The following TRIB2 variants were observed in gnomAD, a reference collection of about 807,000 sequenced individuals.
TRIB2 encodes tribbles homolog 2.
A neutral mutation model predicts 26.8 loss-of-function variants in TRIB2; 2 were observed. The observed-to-expected ratio is 0.07, with a 90% CI of 0.03 to 0.24. The LOEUF (loss-of-function observed/expected upper bound fraction) is 0.24. Ranked by LOEUF, TRIB2 falls within the 10% of genes least tolerant of loss-of-function variation. TRIB2 has a pLI of 1.00. For missense variants in TRIB2, 306 were observed against 449.0 expected (o/e 0.68, Z 2.88); for synonymous variants, 189 against 187.3 (o/e 1.01, Z -0.08).
At chr2:12,727,041 C>T (rs1182029500) in intron 2 of TRIB2, among the ~76,000 whole-genome samples, 1 of 152,184 alleles carries the variant, frequency 6.6e-6, no homozygotes, top group Non-Finnish European at 1.5e-5. Flanking sequence ...GACCTAATGC[C>T]AGCAAGCCTT....
Position 12,740,418 on chromosome 2 carries a change from T to A in TRIB2, c.656T>A (p.Val219Glu). The change falls in exon 3 of 3, where the codon GTA (valine) becomes GAA (glutamate). Residue 219 changes from valine to glutamate, a missense_variant. Coordinates refer to ENST00000155926, the MANE Select transcript of TRIB2 (RefSeq NM_021643.4). This position sits in a 1 kb window ranked among gnomAD's most constrained non-coding sequence, Gnocchi z 5.8. The part of the protein sequence containing the change: ...LSDKHGCPAY[V>E]SPEILNTSGS... ...GACAAGCATGGCTGCCCGGCTTACG[T>A]AAGCCCAGAGATCTTGAACACCAGT... 6.2e-7 allele frequency: 1 copy of A among 1,614,146 alleles called. No homozygotes were observed. Among genetic ancestry groups the A allele is most frequent in the Non-Finnish European group, 8.5e-7 (1 of 1,180,000 alleles).
At chr2:12,731,479 G>A (rs913284240) in intron 2 of TRIB2, among the ~76,000 whole-genome samples, 6 of 152,178 alleles carry the variant, frequency 3.9e-5, no homozygotes, top group East Asian at 1.9e-4. Flanking sequence ...TAAAGCAGCC[G>A]GGCATGGGTT....
chr2:12,719,909 A>G (rs1661163428), intron 1 of TRIB2, among the ~76,000 whole-genome samples: 1 of 152,232 alleles, frequency 6.6e-6, no homozygotes, highest in South Asian at 2.1e-4. Flanking sequence ...GTGCCCAGTT[A>G]ACCAAAATTC....
intron 2 of TRIB2, among the ~76,000 whole-genome samples, chr2:12,739,952 C>T (rs1203927889): frequency 6.6e-6 from 1 of 152,156 alleles, no homozygotes; most frequent in Non-Finnish European, 1.5e-5. Flanking sequence ...GGTTTGAATT[C>T]TGTGGTGCCC....
chr2:12,734,740 G>A (rs1661532983), intron 2 of TRIB2, among the ~76,000 whole-genome samples: 1 of 152,270 alleles, frequency 6.6e-6, no homozygotes, highest in South Asian at 2.1e-4. Flanking sequence ...CAGAGTAAAT[G>A]CTCGGTAAAT....
rs1304382668 is a variant in TRIB2, at chr2:12,717,135, G to T, written c.-1173G>T. 7 of 375,566 alleles carry T rather than the reference G, an allele frequency of 1.9e-5. No individual in the cohort carries two copies. Among genetic ancestry groups the T allele is most frequent in the Non-Finnish European group, 3.3e-5 (7 of 212,320 alleles). 23.3% of individuals were successfully genotyped at this position (375,566 alleles called of 1,614,324 possible). ...CACGGTCCCCTCTTTTCTCTGGGGGGGGCAAGCAAGAAATCAAAGAAGGAG... is the reference window on the plus strand; with the variant it reads ...CACGGTCCCCTCTTTTCTCTGGGGGTGGCAAGCAAGAAATCAAAGAAGGAG... On this transcript the variant is annotated 5_prime_UTR_variant, in exon 1 of 3. Transcript: ENST00000155926. This position sits in a 1 kb window ranked among gnomAD's most constrained non-coding sequence, Gnocchi z 4.8.
chr2:12,719,302 G>A (rs181725227), intron 1 of TRIB2, among the ~76,000 whole-genome samples: 1 of 152,128 alleles, frequency 6.6e-6, no homozygotes, highest in Admixed American at 6.5e-5. Flanking sequence ...TGCCTGTAAG[G>A]TTAAGAGGCT....
At chr2:12,735,147 G>A (rs1034193857) in intron 2 of TRIB2, among the ~76,000 whole-genome samples, 3 of 152,320 alleles carry the variant, frequency 2.0e-5, no homozygotes, top group East Asian at 3.9e-4. Context: ...GTTGAAAGAC[G>A]TAATCCAGAC....
Position 12,740,755 on chromosome 2 carries a change from C to T in TRIB2, c.993C>T (p.Asp331=), listed in dbSNP as rs116068311. ...AAGTGTCTGACCAGCTGGTGCCGGA[C>T]GTCAACATGGAAGAGAACTTGGACC... ...AKEVSDQLVP[D]VNMEENLDPF... is the part of the protein sequence containing the mutation. Residue 331 remains aspartate (D), a synonymous_variant, in exon 3 of 3, where the codon GAC becomes GAT. Transcript: ENST00000155926. This position sits in a 1 kb window ranked among gnomAD's most constrained non-coding sequence, Gnocchi z 5.8. 467 of 1,614,124 alleles carry T rather than the reference C, an allele frequency of 2.9e-4. No homozygotes were observed. Among genetic ancestry groups the T allele is most frequent in the South Asian group, 1.2e-3 (108 of 91,080 alleles).
chr2:12,735,458 G>T lies in TRIB2; in HGVS notation c.564-4868G>T, dbSNP rs528053064. Reference sequence around the variant, plus strand: ...CCTGGTGTGGTTTCCTCCGCCAGCTGCTTGAGTAGGTGGGGTCAGGCCTAA... The same window carrying T: ...CCTGGTGTGGTTTCCTCCGCCAGCTTCTTGAGTAGGTGGGGTCAGGCCTAA... On this transcript the variant is annotated intron_variant, in intron 2 of 2. Coordinates refer to ENST00000155926, the MANE Select transcript of TRIB2 (RefSeq NM_021643.4). Among the ~76,000 whole-genome samples the T allele has an allele frequency of 9.9e-4, 151 of 152,110 alleles. 1 individual carries two copies. Among genetic ancestry groups the T allele is most frequent in the African/African-American group, 3.5e-3 (144 of 41,508 alleles).
chr2:12,740,262 T>C lies in TRIB2; in HGVS notation c.564-64T>C, dbSNP rs1363715260. 2.8e-6 allele frequency: 4 copies of C among 1,450,634 alleles called. No homozygotes were observed. In the Admixed American group the frequency reaches 5.4e-5, roughly 20 times the overall value. 89.9% of individuals were successfully genotyped at this position (1,450,634 alleles called of 1,614,324 possible). A position where few individuals can be genotyped will look rare whatever the true frequency, so the allele number is the denominator to read the frequency against. On this transcript the variant is annotated intron_variant, in intron 2 of 2. Transcript: ENST00000155926. This position sits in a 1 kb window ranked among gnomAD's most constrained non-coding sequence, Gnocchi z 5.8. ...AGAAACACTATAGTCGGTTATGTTA[T>C]GATGCTGGTGGTAACGTGTCTCTGA... is the stretch of plus-strand genomic sequence containing the variant.
rs1661683454 is a variant in TRIB2 at position 12,740,210 on chromosome 2, A to G, written c.564-116A>G. ...TTTGGCTGGTCAGATGAATGCGTGA[A>G]TGAATGAATGTGAATGAGGAGTCTT... On this transcript the variant is annotated intron_variant, in intron 2 of 2. Coordinates refer to ENST00000155926, the MANE Select transcript of TRIB2 (RefSeq NM_021643.4). This position sits in a 1 kb window ranked among gnomAD's most constrained non-coding sequence, Gnocchi z 5.8. The G allele has an allele frequency of 2.0e-6, 2 of 999,724 alleles. No individual in the cohort carries two copies. The highest frequency in any genetic ancestry group is 3.2e-5 in the African/African-American group (2 of 61,950). The allele number at this position is 999,724 out of a possible 1,614,324, so 61.9% of individuals were successfully genotyped here. A position where few individuals can be genotyped will look rare whatever the true frequency, so the allele number is the denominator to read the frequency against.
intron 2 of TRIB2, 44 bp downstream of exon 2, chr2:12,723,596 TC>T: frequency 6.4e-7 from 1 of 1,570,408 alleles, no homozygotes; most frequent in Non-Finnish European, 8.6e-7. Context: ...GATGGACTGC[TC>T]CTAACAACAG....
chr2:12,724,945 A>C (rs994362628), intron 2 of TRIB2: 1 of 1,406,392 alleles, frequency 7.1e-7, no homozygotes, highest in Non-Finnish European at 9.4e-7. Context: ...CAAAAATAAG[A>C]GGTCATATTT....
Position 12,740,304 on chromosome 2 carries a change from A to G in TRIB2, c.564-22A>G, listed in dbSNP as rs760976899. On this transcript the variant is annotated intron_variant, in intron 2 of 2. Transcript: ENST00000155926. The surrounding 1 kb of genome is among the most constrained non-coding windows in gnomAD (Gnocchi z 5.8). ...TGTCTCTGAGCACCCTCAGGAGCTTATGTTTTCCTCCTTTCTTGCAGGACT... is the reference window on the plus strand; with the variant it reads ...TGTCTCTGAGCACCCTCAGGAGCTTGTGTTTTCCTCCTTTCTTGCAGGACT... The G allele has an allele frequency of 8.7e-6, 14 of 1,607,952 alleles. No individual in the cohort carries two copies. Among genetic ancestry groups the G allele is most frequent in the Non-Finnish European group, 1.2e-5 (14 of 1,175,680 alleles).
rs1303393450 is a variant in TRIB2 at position 12,741,889 on chromosome 2, C to T, written c.*1095C>T. On this transcript the variant is annotated 3_prime_UTR_variant, in exon 3 of 3. Coordinates refer to ENST00000155926, the MANE Select transcript of TRIB2 (RefSeq NM_021643.4). Reference sequence around the variant, plus strand: ...GACAAAAACCCTCAGTAGAGACAAGCGGGAAGGATAATTAGCTGAAAGCTA... The same window carrying T: ...GACAAAAACCCTCAGTAGAGACAAGTGGGAAGGATAATTAGCTGAAAGCTA... 6.6e-6 allele frequency: 1 copy of T among 152,604 alleles called. No individual in the cohort carries two copies. Among genetic ancestry groups the T allele is most frequent in the Non-Finnish European group, 1.5e-5 (1 of 68,044 alleles). The allele number at this position is 152,604 out of a possible 1,614,324, so 9.5% of individuals were successfully genotyped here.
At chr2:12,739,282 CAG>C (rs1661656900) in intron 2 of TRIB2, among the ~76,000 whole-genome samples, 1 of 152,108 alleles carries the variant, frequency 6.6e-6, no homozygotes, top group Non-Finnish European at 1.5e-5. Context: ...TTTTTTGAGA[CAG>C]AGTCTCACTC....
chr2:12,724,618 C>A (rs146318511), intron 2 of TRIB2: 1 of 1,609,932 alleles, frequency 6.2e-7, no homozygotes, highest in Non-Finnish European at 8.5e-7. Flanking sequence ...TACCTTTTCT[C>A]TTCCGCTCAG....
chr2:12,718,185 C>T lies in TRIB2; in HGVS notation c.-123C>T. On this transcript the variant is annotated 5_prime_UTR_variant, in exon 1 of 3. Coordinates refer to ENST00000155926, the MANE Select transcript of TRIB2 (RefSeq NM_021643.4). The surrounding 1 kb of genome is among the most constrained non-coding windows in gnomAD (Gnocchi z 4.0). Reference sequence around the variant, plus strand: ...ACTCTTTCTCCACGCAGCCCCTCTTCTGTCCCCTCCCCTCTCGCTCCCTTT... The same window carrying T: ...ACTCTTTCTCCACGCAGCCCCTCTTTTGTCCCCTCCCCTCTCGCTCCCTTT... 7.6e-7 allele frequency: 1 copy of T among 1,313,052 alleles called. No individual in the cohort carries two copies. The highest frequency in any genetic ancestry group is 1.0e-6 in the Non-Finnish European group (1 of 977,424). The allele number at this position is 1,313,052 out of a possible 1,614,324, so 81.3% of individuals were successfully genotyped here.
Sources: allele counts gnomAD v4.1 joint callset (sites outside exome capture counted in the v4.1 genomes callset), GRCh38; gene constraint gnomAD v4.1.1; non-coding constraint Gnocchi (gnomAD v3.1); transcripts MANE v1.5; gene names NCBI Gene and HGNC (gene_info 2026-07-23, HGNC 2026-07-21).